FBN3: variants seen among roughly 807,000 people sequenced by gnomAD.
The protein encoded by FBN3 is fibrillin 3.
FBN3 carries 234 observed loss-of-function variants against 330.1 expected under a neutral mutation model. The ratio of observed to expected loss-of-function variants is 0.71; its 90% CI spans 0.64 to 0.79. The LOEUF is 0.79. FBN3 is among the 30% of genes least tolerant of loss of function. The probability of loss-of-function intolerance (pLI) is 0.00; values close to 1 mark genes in which losing one functional copy is unlikely to be tolerated. For synonymous variants in FBN3, 1,458 were observed against 1,517.3 expected (o/e 0.96, Z 0.91); for missense variants, 3,606 against 3,886.9 (o/e 0.93, Z 1.92).
In FBN3 at chr19:8,109,611, G is replaced by A; in HGVS notation, c.4456+20C>T. On this transcript the variant is annotated intron_variant, in intron 35 of 63. Transcript: ENST00000600128. The surrounding 1 kb of genome is among the most constrained non-coding windows in gnomAD (Gnocchi z 5.2). ...TCTGCTGACCCCAGAACCCTGATCT[G>A]GAGTTGAGCATGGACTCACCCACGC... 2.5e-6 allele frequency: 4 copies of A among 1,585,174 alleles called. No individual in the cohort carries two copies. Among genetic ancestry groups the A allele is most frequent in the Non-Finnish European group, 3.4e-6 (4 of 1,164,584 alleles).
intron 13 of FBN3, among the ~76,000 whole-genome samples, chr19:8,133,393 A>G (rs2083196968): frequency 6.6e-6 from 1 of 152,228 alleles, no homozygotes; most frequent in Non-Finnish European, 1.5e-5. Flanking sequence ...AACATTGGAA[A>G]TTTATTAAAT....
chr19:8,125,550 G>C (rs1340146046), intron 22 of FBN3, among the ~76,000 whole-genome samples: 2 of 152,148 alleles, frequency 1.3e-5, no homozygotes, highest in Non-Finnish European at 1.5e-5. Context: ...CAACACTTTG[G>C]GAGGCCGAGG....
chr19:8,089,552 G>C lies in FBN3; in HGVS notation c.6369C>G (p.Asn2123Lys). ...FGYSLDFTGI[N>K]CVDTDECSVG... ...GAAGGGCTGGCCACTCACCCACACA[G>C]TTGATGCCAGTGAAGTCCAGGCTGT... Residue 2123 changes from asparagine (N) to lysine (K), a missense_variant, in exon 51 of 64, where the codon AAC becomes AAG. Coordinates refer to ENST00000600128, the MANE Select transcript of FBN3 (RefSeq NM_032447.5). 1 of 1,614,162 alleles carries C rather than the reference G, an allele frequency of 6.2e-7. No homozygotes were observed. Among genetic ancestry groups the C allele is most frequent in the Non-Finnish European group, 8.5e-7 (1 of 1,179,990 alleles).
intron 59 of FBN3, among the ~76,000 whole-genome samples, chr19:8,075,976 T>G (rs2081630106): frequency 6.6e-6 from 1 of 152,136 alleles, no homozygotes; most frequent in South Asian, 2.1e-4. Flanking sequence ...TATTTGGATA[T>G]TAGGTCTTTG....
At chr19:8,093,555 G>A (rs944397614) in intron 47 of FBN3, among the ~76,000 whole-genome samples, 39 of 152,052 alleles carry the variant, frequency 2.6e-4, no homozygotes, top group Non-Finnish European at 2.6e-4. Context: ...CCTGGGAGGC[G>A]GAGCTTGCAG....
intron 13 of FBN3, 139 bp from the exon 14 acceptor site, chr19:8,133,245 T>G: frequency 9.0e-7 from 1 of 1,106,234 alleles, no homozygotes; most frequent in South Asian, 1.9e-5. Flanking sequence ...TGTCTGTGAC[T>G]GTGTGAGCTT....
At chr19:8,122,231 G>A (rs1943213410) in intron 24 of FBN3, among the ~76,000 whole-genome samples, 1 of 152,024 alleles carries the variant, frequency 6.6e-6, no homozygotes, top group South Asian at 2.1e-4. Flanking sequence ...ACCCAGGATA[G>A]TCTCAAACTC....
In FBN3 at chr19:8,109,579, A is replaced by C. The variant is rs1166045611; in HGVS notation, c.4456+52T>G. ...TGAGTTAACCCAGTGGGGCAATCCCACCCACCTCTGCTGACCCCAGAACCC... is the reference window on the plus strand; with the variant it reads ...TGAGTTAACCCAGTGGGGCAATCCCCCCCACCTCTGCTGACCCCAGAACCC... On this transcript the variant is annotated intron_variant, in intron 35 of 63. Coordinates refer to ENST00000600128, the MANE Select transcript of FBN3 (RefSeq NM_032447.5). This position sits in a 1 kb window ranked among gnomAD's most constrained non-coding sequence, Gnocchi z 5.2. The C allele has an allele frequency of 3.8e-6, 6 of 1,558,590 alleles. No homozygotes were observed. The East Asian group carries it at 1.4e-4, about 35-fold the overall frequency.
intron 38 of FBN3, among the ~76,000 whole-genome samples, chr19:8,104,437 C>G (rs1328815368): frequency 1.3e-5 from 2 of 150,178 alleles, no homozygotes; most frequent in African/African-American, 4.9e-5. Context: ...CACCACTGCA[C>G]TCCAGCCTGG....
chr19:8,079,683 C>T (rs1785325993), intron 59 of FBN3, among the ~76,000 whole-genome samples: 1 of 152,134 alleles, frequency 6.6e-6, no homozygotes, highest in African/African-American at 2.4e-5. Context: ...CTCCACCTCC[C>T]AGGTTCAAGT....
chr19:8,072,167 C>A lies in FBN3; in HGVS notation c.7969G>T (p.Gly2657Ter). The A allele has an allele frequency of 1.3e-6, 2 of 1,584,834 alleles. No homozygotes were observed. Among genetic ancestry groups the A allele is most frequent in the South Asian group, 2.3e-5 (2 of 86,926 alleles). The change falls in exon 63 of 64, where the codon GGA (glycine) becomes TGA (stop). Residue 2657 changes from glycine to a stop codon, truncating the protein, a stop_gained. Transcript: ENST00000600128. LOFTEE classifies it high-confidence loss of function. ...HCVSGLGFSPGPQDTPDKEEL... is the reference protein window; with the variant it reads ...HCVSGLGFSP ...TCTTTGTCCGGGGTGTCCTGGGGTCCGGGGCTGAAGCCCAGGCCGGAGACA... is the reference window on the plus strand; with the variant it reads ...TCTTTGTCCGGGGTGTCCTGGGGTCAGGGGCTGAAGCCCAGGCCGGAGACA...
rs376064669 is a variant in FBN3, at chr19:8,097,123, T to C, written c.5288-117A>G. On this transcript the variant is annotated intron_variant, in intron 42 of 63. Coordinates refer to ENST00000600128, the MANE Select transcript of FBN3 (RefSeq NM_032447.5). ...TGGTTTCTCTGGAAGCAGCCAGAGC[T>C]GGAGTAAGGGTGGTTATATGAGATG... is the stretch of plus-strand genomic sequence containing the variant. 3.9e-4 allele frequency: 585 copies of C among 1,495,634 alleles called. 3 individuals carry two copies. The African/African-American group carries it at 6.9e-3, about 18-fold the overall frequency. The allele number at this position is 1,495,634 out of a possible 1,614,324, so 92.6% of individuals were successfully genotyped here. A position where few individuals can be genotyped will look rare whatever the true frequency, so the allele number is the denominator to read the frequency against.
intron 6 of FBN3, among the ~76,000 whole-genome samples, chr19:8,143,815 C>CT (rs112225462): frequency 0.28 from 38,478 of 136,994 alleles, 5,898 homozygotes; most frequent in South Asian, 0.46. Context: ...TTCTTTCTTT[C>CT]TTTCTTTTTT....
rs111685748 is a variant in FBN3, at chr19:8,096,214, G to A, written c.5540-134C>T. The A allele has an allele frequency of 3.0e-5, 26 of 865,524 alleles. No homozygotes were observed. In the African/African-American group the frequency reaches 3.2e-4, roughly 10 times the overall value. The allele number at this position is 865,524 out of a possible 1,614,324, so 53.6% of individuals were successfully genotyped here. ...CTAGATGACTGGGCAGTGACCCCTG[G>A]CGGTGATGGCTGGGAAGTACTCCTG... On this transcript the variant is annotated intron_variant, in intron 44 of 63. Transcript: ENST00000600128. This position sits in a 1 kb window ranked among gnomAD's most constrained non-coding sequence, Gnocchi z 4.6.
intron 18 of FBN3, among the ~76,000 whole-genome samples, chr19:8,127,928 G>C (rs976480620): frequency 6.6e-5 from 10 of 152,234 alleles, no homozygotes; most frequent in Non-Finnish European, 1.3e-4. Flanking sequence ...TTGAACCCAG[G>C]AGGTGGAGGT....
chr19:8,135,936 G>GGGGGGGGGGGGGGGGGGGGGCCCCCC, intron 13 of FBN3, 25 bp downstream of exon 13: 6 of 668,762 alleles, frequency 9.0e-6, no homozygotes, highest in South Asian at 1.6e-5. Flanking sequence ...GGAAGCCCCT[G>GGGGGGGGGGGGGGGGGGGGGCCCCCC]CCCACCCGCC....
At chr19:8,118,399 G>A (rs1296146940) in intron 26 of FBN3, among the ~76,000 whole-genome samples, 1 of 152,160 alleles carries the variant, frequency 6.6e-6, no homozygotes, top group Non-Finnish European at 1.5e-5. Context: ...GGTGGAGGCT[G>A]CAGTGAGCTG....
intron 54 of FBN3, among the ~76,000 whole-genome samples, chr19:8,086,675 C>T (rs2081970539): frequency 6.8e-6 from 1 of 147,368 alleles, no homozygotes; most frequent in Non-Finnish European, 1.5e-5. Flanking sequence ...GCCGTGTTGT[C>T]CACCCTGTTC....
In FBN3 at chr19:8,089,527, G is replaced by C. The variant is rs996915305; in HGVS notation, c.6376+18C>G. Reference sequence around the variant, plus strand: ...GGGAGGGGCCTGGGACAGAGCTGGGGAAGGGCTGGCCACTCACCCACACAG... The same window carrying C: ...GGGAGGGGCCTGGGACAGAGCTGGGCAAGGGCTGGCCACTCACCCACACAG... On this transcript the variant is annotated intron_variant, in intron 51 of 63. Transcript: ENST00000600128. 14 of 1,613,676 alleles carry C rather than the reference G, an allele frequency of 8.7e-6. No homozygotes were observed. Among genetic ancestry groups the C allele is most frequent in the Non-Finnish European group, 1.2e-5 (14 of 1,179,848 alleles).
Sources: gnomAD v4.1 joint callset for allele counts (sites outside exome capture counted in the v4.1 genomes callset) on GRCh38, gnomAD v4.1.1 for gene constraint, Gnocchi (gnomAD v3.1) non-coding constraint, MANE v1.5 for transcripts, NCBI Gene and HGNC (gene_info 2026-07-23, HGNC 2026-07-21) for gene names.